NAV3: variants seen among roughly 807,000 people sequenced by gnomAD.
NAV3 encodes neuron navigator 3, also known as pore membrane and/or filament interacting like protein 1.
Under a neutral mutation model 244.7 loss-of-function variants are expected in NAV3, and 87 were observed. The observed-to-expected ratio is 0.36, with a 90% CI of 0.30 to 0.42. NAV3 has a LOEUF of 0.42. Among genes scored for constraint, NAV3 ranks in the 20% least tolerant of loss-of-function variants. NAV3 has a pLI of 1.00. For missense variants in NAV3, 2,663 were observed against 2,893.3 expected (o/e 0.92, Z 1.83); for synonymous variants, 1,126 against 1,042.2 (o/e 1.08, Z -1.55).
intron 2 of NAV3, among the ~76,000 whole-genome samples, chr12:77,640,437 C>A (rs1592530551): frequency 6.6e-6 from 1 of 152,266 alleles, no homozygotes; most frequent in Admixed American, 6.5e-5. Context: ...CATCCCTTCC[C>A]CATCCCTGGT....
At chr12:77,597,940 G>C (rs1233208469) in intron 2 of NAV3, among the ~76,000 whole-genome samples, 1 of 151,952 alleles carries the variant, frequency 6.6e-6, no homozygotes, top group African/African-American at 2.4e-5. Flanking sequence ...AAGTAAAACG[G>C]GGAATGGAAG....
chr12:78,170,156 A>G (rs187385310), intron 24 of NAV3, among the ~76,000 whole-genome samples: 75 of 151,864 alleles, frequency 4.9e-4, no homozygotes, highest in African/African-American at 1.8e-3. Context: ...CCACGTGGAT[A>G]TCTTTGGATG....
At chr12:77,668,594 AG>A (rs1272421843) in intron 2 of NAV3, among the ~76,000 whole-genome samples, 1 of 152,186 alleles carries the variant, frequency 6.6e-6, no homozygotes, top group African/African-American at 2.4e-5. Flanking sequence ...CAAAGAAAAA[AG>A]AATAAAGAAT....
At chr12:78,068,332 C>G (rs184342768) in intron 12 of NAV3, among the ~76,000 whole-genome samples, 1 of 151,192 alleles carries the variant, frequency 6.6e-6, no homozygotes, top group Non-Finnish European at 1.5e-5. Flanking sequence ...TTTATCATGC[C>G]TGGATGAAAT....
chr12:77,826,408 C>T (rs1873011479), upstream of NAV3, among the ~76,000 whole-genome samples: 1 of 151,972 alleles, frequency 6.6e-6, no homozygotes, highest in Non-Finnish European at 1.5e-5. Context: ...ACGAGAATTG[C>T]TAGAACCCAG....
At chr12:78,157,027 A>C (rs1565735206) in intron 22 of NAV3, among the ~76,000 whole-genome samples, 1 of 152,148 alleles carries the variant, frequency 6.6e-6, no homozygotes, top group Non-Finnish European at 1.5e-5. Flanking sequence ...GGTAGGAAAA[A>C]CTATAAAGAA....
At position 77,831,605 on chromosome 12, in the gene NAV3, G is replaced by C. The variant is rs764375468; in HGVS notation, c.144G>C (p.Glu48Asp). The change falls in exon 1 of 40, where the codon GAG (glutamate) becomes GAC (aspartate). Residue 48 changes from glutamate (E) to aspartate (D), a missense_variant. Glu to Asp is a conservative substitution (Grantham distance 45). This residue lies in a region of NAV3 where 1,521 missense variants were observed against 1,497.0 expected (regional missense o/e 1.02). Coordinates refer to ENST00000397909, the MANE Select transcript of NAV3 (RefSeq NM_001024383.2). ...GACCTTTGGAACTTACTGAAACAGA[G>C]AGCTCCATGCTTTCTTGTCAGCTTG... ...SSRPLELTET[E>D]SSMLSCQLAL... 6 of 1,614,078 alleles carry C rather than the reference G, an allele frequency of 3.7e-6. No individual in the cohort carries two copies. The highest frequency in any genetic ancestry group is 1.6e-4 in the Middle Eastern group (1 of 6,062).
At chr12:77,931,351 T>C (rs1009077692) in intron 1 of NAV3, among the ~76,000 whole-genome samples, 5 of 151,996 alleles carry the variant, frequency 3.3e-5, no homozygotes, top group African/African-American at 1.2e-4. Flanking sequence ...TATGTGTGTA[T>C]GTATCATTCA....
intron 2 of NAV3, among the ~76,000 whole-genome samples, chr12:77,701,028 AT>A (rs1875536554): frequency 6.6e-6 from 1 of 151,664 alleles, no homozygotes; most frequent in Non-Finnish European, 1.5e-5. Flanking sequence ...TCTTGTAATT[AT>A]TTTTTGCATG....
chr12:78,199,657 T>TA, intron 37 of NAV3, 126 bp downstream of exon 37: 1 of 652,706 alleles, frequency 1.5e-6, no homozygotes, highest in Non-Finnish European at 2.4e-6. Context: ...AGATTTATTT[T>TA]TTTCCCTTCT....
intron 5 of NAV3, among the ~76,000 whole-genome samples, chr12:77,971,755 T>C (rs1893015487): frequency 6.6e-6 from 1 of 152,102 alleles, no homozygotes; most frequent in Non-Finnish European, 1.5e-5. Flanking sequence ...AATCTCAACT[T>C]GCTATACTTC....
intron 8 of NAV3, among the ~76,000 whole-genome samples, chr12:78,013,504 G>C (rs992565870): frequency 6.6e-6 from 1 of 152,084 alleles, no homozygotes; most frequent in Non-Finnish European, 1.5e-5. Flanking sequence ...CATAAACAAA[G>C]TCAATAAAAG....
chr12:78,056,009 A>T (rs747772508), intron 11 of NAV3, among the ~76,000 whole-genome samples: 1 of 152,158 alleles, frequency 6.6e-6, no homozygotes, highest in South Asian at 2.1e-4. Context: ...AAAGTCTTGG[A>T]TAGTCTCACA....
intron 2 of NAV3, among the ~76,000 whole-genome samples, chr12:77,603,144 A>T (rs985637351): frequency 6.6e-6 from 1 of 152,028 alleles, no homozygotes; most frequent in Non-Finnish European, 1.5e-5. Context: ...ACTTTCAAGG[A>T]TGGAGACTTT....
At chr12:77,827,359 AT>A (rs1488547908), upstream of NAV3, among the ~76,000 whole-genome samples, 1 of 150,858 alleles carries the variant, frequency 6.6e-6, no homozygotes, top group African/African-American at 2.4e-5. Flanking sequence ...ACAGTTGAAT[AT>A]TTTTTCTCTT....
chr12:77,844,146 C>G (rs1251782664), intron 1 of NAV3, among the ~76,000 whole-genome samples: 2 of 152,096 alleles, frequency 1.3e-5, no homozygotes, highest in African/African-American at 4.8e-5. Flanking sequence ...TCTTACAGTT[C>G]TGGAGCCTGG....
intron 2 of NAV3, among the ~76,000 whole-genome samples, chr12:77,720,028 T>C (rs60546588): frequency 0.026 from 3,962 of 152,270 alleles, 98 homozygotes; most frequent in African/African-American, 0.063. Flanking sequence ...TCAGTATTCA[T>C]AGGTTGTGTG....
intron 5 of NAV3, among the ~76,000 whole-genome samples, chr12:77,980,734 T>C (rs921753355): frequency 2.0e-5 from 3 of 152,194 alleles, no homozygotes; most frequent in African/African-American, 7.2e-5. Context: ...AACAGCATTG[T>C]AGCGTAGTAC....
intron 6 of NAV3, among the ~76,000 whole-genome samples, chr12:77,995,738 T>C (rs1183045605): frequency 6.6e-6 from 1 of 152,146 alleles, no homozygotes; most frequent in Non-Finnish European, 1.5e-5. Context: ...GTAGCCAAAA[T>C]AATTCTCGAA....
Sources: gnomAD v4.1 joint callset for allele counts (sites outside exome capture counted in the v4.1 genomes callset) on GRCh38, gnomAD v4.1.1 for gene constraint, gnomAD v4.1.1 regional missense constraint, MANE v1.5 for transcripts, NCBI Gene and HGNC (gene_info 2026-07-23, HGNC 2026-07-21) for gene names.